MACROD2: variants seen among roughly 807,000 people sequenced by gnomAD.
The protein encoded by MACROD2 is ADP-ribose glycohydrolase MACROD2.
MACROD2 carries 36 observed loss-of-function variants against 70.4 expected under a neutral mutation model. The observed-to-expected ratio is 0.51, with a 90% CI of 0.39 to 0.68. MACROD2 has a LOEUF of 0.68. MACROD2 is among the 30% of genes least tolerant of loss of function. The pLI is 0.00. For synonymous variants in MACROD2, 172 were observed against 178.8 expected (o/e 0.96, Z 0.30); for missense variants, 496 against 538.4 (o/e 0.92, Z 0.78).
chr20:14,339,104 A>G (rs2082984863), intron 3 of MACROD2, among the ~76,000 whole-genome samples: 1 of 152,124 alleles, frequency 6.6e-6, no homozygotes, highest in Admixed American at 6.5e-5. Flanking sequence ...TCTCTTCATT[A>G]GCTTCATTTA....
chr20:15,307,037 C>A (rs2077704270), intron 6 of MACROD2, among the ~76,000 whole-genome samples: 1 of 152,000 alleles, frequency 6.6e-6, no homozygotes, highest in South Asian at 2.1e-4. Flanking sequence ...TTTAAACAAC[C>A]AGGAAAGGGC....
chr20:15,147,348 C>A (rs1215533417), intron 5 of MACROD2, among the ~76,000 whole-genome samples: 2 of 151,540 alleles, frequency 1.3e-5, no homozygotes, highest in Admixed American at 1.3e-4. Flanking sequence ...GAATGTTTTA[C>A]ATAGGAAATT....
At chr20:14,871,019 G>T (rs576413000) in intron 5 of MACROD2, among the ~76,000 whole-genome samples, 1 of 151,960 alleles carries the variant, frequency 6.6e-6, no homozygotes, top group Non-Finnish European at 1.5e-5. Context: ...TGAAATCTTT[G>T]CCCATTCCTA....
chr20:14,447,283 G>T (rs2084193494), intron 3 of MACROD2, among the ~76,000 whole-genome samples: 1 of 152,104 alleles, frequency 6.6e-6, no homozygotes, highest in Non-Finnish European at 1.5e-5. Flanking sequence ...CTCCCAAAGT[G>T]CTGGGATTAC....
chr20:14,011,964 A>G (rs148797819), intron 2 of MACROD2, among the ~76,000 whole-genome samples: 167 of 152,160 alleles, frequency 1.1e-3, no homozygotes, highest in Non-Finnish European at 2.1e-3. Flanking sequence ...GCTGGGGTAC[A>G]GTGGCATGAT....
intron 5 of MACROD2, among the ~76,000 whole-genome samples, chr20:14,846,330 T>A (rs1157079355): frequency 1.3e-5 from 2 of 152,064 alleles, no homozygotes; most frequent in Non-Finnish European, 2.9e-5. Context: ...TTCAAGTGAT[T>A]CTCATGCCTC....
intron 5 of MACROD2, among the ~76,000 whole-genome samples, chr20:15,042,313 T>C (rs985193249): frequency 3.3e-5 from 5 of 152,200 alleles, no homozygotes; most frequent in African/African-American, 1.2e-4. Flanking sequence ...TCTAATCTTA[T>C]TGTGCAAAAG....
chr20:15,809,954 A>G (rs2063803599), intron 8 of MACROD2, among the ~76,000 whole-genome samples: 1 of 148,414 alleles, frequency 6.7e-6, no homozygotes, highest in African/African-American at 2.5e-5. Flanking sequence ...ATGTTGGTGT[A>G]CTGCACCCAT....
chr20:15,454,615 T>C (rs919753903), intron 7 of MACROD2, among the ~76,000 whole-genome samples: 24 of 152,094 alleles, frequency 1.6e-4, no homozygotes, highest in African/African-American at 5.8e-4. Flanking sequence ...CTTCTCCAAT[T>C]TCATGAGAGA....
intron 5 of MACROD2, among the ~76,000 whole-genome samples, chr20:14,803,797 A>G (rs1600679158): frequency 6.6e-6 from 1 of 152,056 alleles, no homozygotes; most frequent in Non-Finnish European, 1.5e-5. Context: ...TTATTAATTT[A>G]AAGTTTGCCT....
intron 8 of MACROD2, among the ~76,000 whole-genome samples, chr20:15,753,599 T>C (rs2051305193): frequency 1.3e-5 from 2 of 152,212 alleles, no homozygotes; most frequent in Non-Finnish European, 1.5e-5. Flanking sequence ...GTCTTTGTGG[T>C]AGAATGATTT....
intron 3 of MACROD2, among the ~76,000 whole-genome samples, chr20:14,315,638 G>T (rs1228414070): frequency 2.0e-5 from 3 of 152,208 alleles, no homozygotes; most frequent in Non-Finnish European, 4.4e-5. Flanking sequence ...CTATGAGCTA[G>T]TAGTTAGCTT....
intron 8 of MACROD2, among the ~76,000 whole-genome samples, chr20:15,645,466 A>C (rs191090641): frequency 6.6e-6 from 1 of 152,328 alleles, no homozygotes; most frequent in African/African-American, 2.4e-5. Context: ...TGAATGGAGG[A>C]GTTTTCTCTG....
At chr20:14,726,635 G>C (rs984528251) in intron 5 of MACROD2, among the ~76,000 whole-genome samples, 7 of 152,046 alleles carry the variant, frequency 4.6e-5, no homozygotes, top group African/African-American at 1.7e-4. Context: ...TAATTTTATC[G>C]TCAAAACAAC....
chr20:15,550,544 C>T (rs1207733663), intron 8 of MACROD2, among the ~76,000 whole-genome samples: 1 of 152,042 alleles, frequency 6.6e-6, no homozygotes, highest in Non-Finnish European at 1.5e-5. Flanking sequence ...TTTATTGTAT[C>T]ACTTTTTTAT....
At chr20:14,437,586 C>T (rs2084071552) in intron 3 of MACROD2, among the ~76,000 whole-genome samples, 1 of 152,052 alleles carries the variant, frequency 6.6e-6, no homozygotes, top group Non-Finnish European at 1.5e-5. Flanking sequence ...AAAAGCAAAA[C>T]TCCATCTCAA....
At chr20:15,451,854 C>G (rs752838122) in intron 7 of MACROD2, among the ~76,000 whole-genome samples, 5 of 152,118 alleles carry the variant, frequency 3.3e-5, no homozygotes, top group Non-Finnish European at 7.4e-5. Context: ...TCCTTGGGGC[C>G]CACCAGGTAT....
At chr20:15,852,740 A>G (rs890315056) in intron 8 of MACROD2, among the ~76,000 whole-genome samples, 2 of 152,212 alleles carry the variant, frequency 1.3e-5, no homozygotes, top group Non-Finnish European at 2.9e-5. Flanking sequence ...CCAGACAAAA[A>G]CAGAGCTGCT....
At chr20:14,471,817 T>A (rs34824714) in intron 3 of MACROD2, among the ~76,000 whole-genome samples, 22,634 of 151,992 alleles carry the variant, frequency 0.15, 2,362 homozygotes, top group Non-Finnish European at 0.21. Flanking sequence ...AAATCTCTTC[T>A]AAAAATGATT....
Sources: gnomAD v4.1 joint callset for allele counts (sites outside exome capture counted in the v4.1 genomes callset) on GRCh38, gnomAD v4.1.1 for gene constraint, MANE v1.5 for transcripts, NCBI Gene and HGNC (gene_info 2026-07-23, HGNC 2026-07-21) for gene names.